Variants in PTPRD observed in about 807,000 individuals in gnomAD.
The protein encoded by PTPRD is receptor-type tyrosine-protein phosphatase delta.
A neutral mutation model predicts 214.5 loss-of-function variants in PTPRD; 34 were observed. That is an observed-to-expected ratio of 0.16 (90% CI 0.12 to 0.21). PTPRD has a LOEUF of 0.21. PTPRD is among the 10% of genes least tolerant of loss of function. PTPRD has a pLI of 1.00. For missense variants in PTPRD, 2,545 were observed against 2,398.7 expected (o/e 1.06, Z -1.27); for synonymous variants, 1,128 against 845.7 (o/e 1.33, Z -5.79).
intron 3 of PTPRD, among the ~76,000 whole-genome samples, chr9:10,338,224 C>A (rs1161229344): frequency 6.6e-6 from 1 of 151,538 alleles, no homozygotes; most frequent in African/African-American, 2.4e-5. Context: ...CAATTGGCTA[C>A]CAGGAGTCAT....
At chr9:10,526,098 A>G (rs957113164) in intron 2 of PTPRD, among the ~76,000 whole-genome samples, 1 of 152,142 alleles carries the variant, frequency 6.6e-6, no homozygotes, top group Non-Finnish European at 1.5e-5. Flanking sequence ...TCCTGCTGTC[A>G]TAGAAAGTTC....
intron 3 of PTPRD, among the ~76,000 whole-genome samples, chr9:10,159,576 A>G (rs1035488117): frequency 5.9e-5 from 9 of 152,118 alleles, no homozygotes; most frequent in African/African-American, 2.2e-4. Context: ...ATAATTTAAA[A>G]TATCAATTTT....
At chr9:9,506,269 C>A (rs1590129391) in intron 8 of PTPRD, among the ~76,000 whole-genome samples, 2 of 151,430 alleles carry the variant, frequency 1.3e-5, no homozygotes, top group South Asian at 2.1e-4. Context: ...CCCATTCATA[C>A]TGAGGACAAA....
intron 11 of PTPRD, among the ~76,000 whole-genome samples, chr9:8,750,209 G>A (rs1357103717): frequency 6.6e-6 from 1 of 152,112 alleles, no homozygotes; most frequent in African/African-American, 2.4e-5. Context: ...CGAGGCTGGA[G>A]TGCCTTGGCA....
rs533619970 is a variant in PTPRD at position 9,088,581 on chromosome 9, G to GAAAAAAAAAAAAAAAA, written c.-142-69862_-142-69847dup. Among the ~76,000 whole-genome samples, 88 of 33,034 alleles carry GAAAAAAAAAAAAAAAA rather than the reference G, an allele frequency of 2.7e-3. 10 individuals carry two copies. The highest frequency in any genetic ancestry group is 5.1e-3 in the African/African-American group (54 of 10,618). 21.7% of individuals were successfully genotyped at this position (33,034 alleles called of 152,430 possible). On this transcript the variant is annotated intron_variant, in intron 10 of 45. Transcript: ENST00000381196. ...GGCGACAGAGTGAGACTTAGTCTCA[G>GAAAAAAAAAAAAAAAA]AAAAAAAAAAAAAAAAAAAAAAAAA...
rs111752901 is a variant in PTPRD at position 9,723,003 on chromosome 9, T to C, written c.-287+11530A>G. Among the ~76,000 whole-genome samples the C allele has an allele frequency of 1.8e-3, 276 of 152,232 alleles. 1 individual carries two copies. Among genetic ancestry groups the C allele is most frequent in the African/African-American group, 6.2e-3 (256 of 41,580 alleles). ...TTCTTTGAATTATGTTTTCACATTTTTGATGGCATTATTTAAAGCACAGAA... is the reference window on the plus strand; with the variant it reads ...TTCTTTGAATTATGTTTTCACATTTCTGATGGCATTATTTAAAGCACAGAA... On this transcript the variant is annotated intron_variant, in intron 7 of 45. Coordinates refer to ENST00000381196, the MANE Select transcript of PTPRD (RefSeq NM_002839.4).
rs2139192692 is a variant in PTPRD, at chr9:8,524,992, T to G, written c.612A>C (p.Lys204Asn). The change falls in exon 18 of 46, where the codon AAA becomes AAC. Residue 204 changes from lysine (K) to asparagine (N), a missense_variant. By Grantham distance (94) the Lys-to-Asn change is moderately conservative. Transcript: ENST00000381196. The part of the protein sequence containing the change: ...IEQSEESDQG[K>N]YECVATNSAG... Reference sequence around the variant, plus strand: ...CGCTGTTGGTGGCAACACACTCATATTTTCCTTGGTCAGACTCTTCACTCT... The same window carrying G: ...CGCTGTTGGTGGCAACACACTCATAGTTTCCTTGGTCAGACTCTTCACTCT... The G allele has an allele frequency of 1.2e-6, 2 of 1,613,652 alleles. No individual in the cohort carries two copies. The highest frequency in any genetic ancestry group is 2.2e-5 in the South Asian group (2 of 91,078).
chr9:10,031,647 T>TATATATATACACACACACAC, intron 4 of PTPRD, among the ~76,000 whole-genome samples: 17 of 89,644 alleles, frequency 1.9e-4, no homozygotes, highest in African/African-American at 1.3e-3. Flanking sequence ...TATATATATA[T>TATATATATACACACACACAC]ACACACACAC....
rs144303727 is a variant in PTPRD at position 8,806,824 on chromosome 9, A to G, written c.-103-72878T>C. ...CTTTGCCCAAATTAAGTACTCAAACACACTCCCTCCACTTGGCTACTGTAC... is the reference window on the plus strand; with the variant it reads ...CTTTGCCCAAATTAAGTACTCAAACGCACTCCCTCCACTTGGCTACTGTAC... On this transcript the variant is annotated intron_variant, in intron 11 of 45. Transcript: ENST00000381196. Among the ~76,000 whole-genome samples, 1,274 of 152,326 alleles carry G rather than the reference A, an allele frequency of 8.4e-3. 13 individuals carry two copies. Among genetic ancestry groups the G allele is most frequent in the Non-Finnish European group, 0.012 (804 of 68,030 alleles).
chr9:8,897,701 C>A (rs1174363596), intron 11 of PTPRD, among the ~76,000 whole-genome samples: 1 of 152,166 alleles, frequency 6.6e-6, no homozygotes, highest in Non-Finnish European at 1.5e-5. Context: ...AGTAAAGAGC[C>A]TCCTCTGGGA....
At chr9:9,730,818 A>T (rs1039372986) in intron 7 of PTPRD, among the ~76,000 whole-genome samples, 1 of 152,126 alleles carries the variant, frequency 6.6e-6, no homozygotes, top group African/African-American at 2.4e-5. Context: ...TTACAAAGTG[A>T]GACTGGAAGC....
intron 14 of PTPRD, among the ~76,000 whole-genome samples, chr9:8,618,308 CA>C (rs1453771180): frequency 6.6e-5 from 10 of 152,050 alleles, no homozygotes; most frequent in African/African-American, 2.2e-4. Flanking sequence ...TAATCTGATA[CA>C]TATTAAATGA....
chr9:9,607,623 G>A (rs2094249173), intron 7 of PTPRD, among the ~76,000 whole-genome samples: 2 of 152,046 alleles, frequency 1.3e-5, no homozygotes, highest in Admixed American at 1.3e-4. Flanking sequence ...ACGCCTGAGA[G>A]GAGAAGGTTT....
intron 2 of PTPRD, among the ~76,000 whole-genome samples, chr9:10,471,505 GT>G (rs2099031029): frequency 6.6e-6 from 1 of 151,926 alleles, no homozygotes; most frequent in Non-Finnish European, 1.5e-5. Flanking sequence ...TGTCATCTGA[GT>G]TTTTAGTGTT....
rs138424948 is a variant in PTPRD at position 8,633,103 on chromosome 9, T to G, written c.352+214A>C. On this transcript the variant is annotated intron_variant, in intron 14 of 45. Coordinates refer to ENST00000381196, the MANE Select transcript of PTPRD (RefSeq NM_002839.4). ...ATTTGAAGTCAATGCTTTTTTCAGC[T>G]TTTTTACCTCTGATATTCCCCCTGA... Among the ~76,000 whole-genome samples, 184 of 152,096 alleles carry G rather than the reference T, an allele frequency of 1.2e-3. 2 individuals carry two copies. Among genetic ancestry groups the G allele is most frequent in the African/African-American group, 4.3e-3 (178 of 41,534 alleles).
In PTPRD at chr9:9,504,878, C is replaced by A. The variant is rs1484639551; in HGVS notation, c.-237+69854G>T. Among the ~76,000 whole-genome samples, 3 of 151,484 alleles carry A rather than the reference C, an allele frequency of 2.0e-5. No homozygotes were observed. In the South Asian group the frequency reaches 6.2e-4, roughly 31 times the overall value. On this transcript the variant is annotated intron_variant, in intron 8 of 45. Transcript: ENST00000381196. ...ACTGTTCAAAAAGTAAATTAAAAAA[C>A]AATTCTATTCACAGTAGCAACAAAA...
chr9:8,321,483 GTGTGTATATATA>G (rs1346196472), intron 44 of PTPRD, among the ~76,000 whole-genome samples: 87 of 48,758 alleles, frequency 1.8e-3, no homozygotes, highest in South Asian at 9.3e-3. Flanking sequence ...GTGTGTGTGT[GTGTGTATATATA>G]TATATATATA....
intron 3 of PTPRD, among the ~76,000 whole-genome samples, chr9:10,254,926 C>A (rs2093123276): frequency 6.6e-6 from 1 of 152,060 alleles, no homozygotes; most frequent in African/African-American, 2.4e-5. Context: ...TTTAAGAAAT[C>A]CAAATATATA....
At chr9:8,924,760 G>A (rs867911566) in intron 11 of PTPRD, among the ~76,000 whole-genome samples, 1 of 152,112 alleles carries the variant, frequency 6.6e-6, no homozygotes, top group Middle Eastern at 3.4e-3. Context: ...CATTCAGTAG[G>A]GCTTGGCATG....
Sources: gnomAD v4.1 joint callset for allele counts (sites outside exome capture counted in the v4.1 genomes callset) on GRCh38, gnomAD v4.1.1 for gene constraint, MANE v1.5 for transcripts, NCBI Gene and HGNC (gene_info 2026-07-23, HGNC 2026-07-21) for gene names.